Variants in PEX7 observed in about 807,000 individuals in gnomAD.
PEX7 encodes peroxisomal biogenesis factor 7.
In PEX7, 34 loss-of-function variants were observed where a neutral mutation model predicts 47.5. The observed-to-expected ratio is 0.72, with a 90% CI of 0.54 to 0.95. The LOEUF (loss-of-function observed/expected upper bound fraction) is 0.95. Among genes scored for constraint, PEX7 ranks in the 40% least tolerant of loss-of-function variants. The pLI is 0.00. For missense variants in PEX7, 394 were observed against 400.3 expected (o/e 0.98, Z 0.13); for synonymous variants, 141 against 148.8 (o/e 0.95, Z 0.38).
chr6:136,906,621 G>A (rs982761728), intron 9 of PEX7, among the ~76,000 whole-genome samples: 2 of 151,986 alleles, frequency 1.3e-5, no homozygotes. Context: ...GGAATAAATG[G>A]ACAGACATAT....
At chr6:136,877,523 TC>T (rs1355100730) in intron 8 of PEX7, among the ~76,000 whole-genome samples, 2 of 152,244 alleles carry the variant, frequency 1.3e-5, no homozygotes, top group African/African-American at 4.8e-5. Context: ...GTTTCAGTTT[TC>T]TGCATATGGC....
intron 1 of PEX7, chr6:136,823,362 GA>G (rs1170446822): frequency 2.0e-6 from 2 of 985,110 alleles, no homozygotes; most frequent in Non-Finnish European, 2.4e-6. Context: ...GTCTAACGAG[GA>G]ATGCACACAT....
At chr6:136,880,460 C>T (rs920706626) in intron 8 of PEX7, among the ~76,000 whole-genome samples, 2 of 152,194 alleles carry the variant, frequency 1.3e-5, no homozygotes, top group Non-Finnish European at 2.9e-5. Flanking sequence ...GTCCTAGCTC[C>T]TGCCCTCTCT....
At chr6:136,874,846 A>G (rs28377304) in intron 8 of PEX7, among the ~76,000 whole-genome samples, 2 of 151,888 alleles carry the variant, frequency 1.3e-5, no homozygotes, top group Non-Finnish European at 2.9e-5. Flanking sequence ...ATCAATTAGA[A>G]CTACTTTTTT....
At chr6:136,877,498 T>C (rs1775296510) in intron 8 of PEX7, among the ~76,000 whole-genome samples, 1 of 152,216 alleles carries the variant, frequency 6.6e-6, no homozygotes, top group African/African-American at 2.4e-5. Context: ...GTATAAGGTG[T>C]AAGGAAGGTG....
intron 9 of PEX7, among the ~76,000 whole-genome samples, chr6:136,904,567 C>T (rs1775809344): frequency 6.6e-6 from 1 of 151,270 alleles, no homozygotes; most frequent in Non-Finnish European, 1.5e-5. Context: ...CTGCACTGTT[C>T]TCATGATAGT....
At chr6:136,912,094 G>T (rs1196711972) in intron 9 of PEX7, among the ~76,000 whole-genome samples, 1 of 152,046 alleles carries the variant, frequency 6.6e-6, no homozygotes, top group Non-Finnish European at 1.5e-5. Context: ...TCATTAGATT[G>T]CCTTTTATTA....
At chr6:136,873,761 A>G (rs969739686) in intron 8 of PEX7, among the ~76,000 whole-genome samples, 4 of 152,322 alleles carry the variant, frequency 2.6e-5, no homozygotes, top group African/African-American at 9.6e-5. Flanking sequence ...AATGCAAATT[A>G]TATATGTTTA....
chr6:136,866,866 C>G (rs1481442877), intron 6 of PEX7, 133 bp downstream of exon 6: 1 of 765,432 alleles, frequency 1.3e-6, no homozygotes, highest in Admixed American at 2.1e-5. Flanking sequence ...CCTTTCCTTT[C>G]TAATTAATGA....
At chr6:136,822,883 C>G in intron 1 of PEX7, 88 bp downstream of exon 1, 1 of 1,223,318 alleles carries the variant, frequency 8.2e-7, no homozygotes, top group Non-Finnish European at 1.0e-6. Context: ...CGAGGGAAAG[C>G]CCCTCTGAGC....
intron 8 of PEX7, among the ~76,000 whole-genome samples, chr6:136,878,515 G>T (rs1562749672): frequency 6.6e-6 from 1 of 152,112 alleles, no homozygotes; most frequent in East Asian, 1.9e-4. Context: ...TTAGCATGAA[G>T]GGTGTTGAAT....
intron 5 of PEX7, among the ~76,000 whole-genome samples, chr6:136,861,224 A>G (rs909400007): frequency 6.6e-6 from 1 of 152,116 alleles, no homozygotes; most frequent in Non-Finnish European, 1.5e-5. Context: ...AGCTGGGACT[A>G]CAGGTGCATG....
At chr6:136,841,843 C>A (rs1446436555) in intron 3 of PEX7, among the ~76,000 whole-genome samples, 1 of 151,670 alleles carries the variant, frequency 6.6e-6, no homozygotes, top group African/African-American at 2.4e-5. Context: ...GCCTCGGCCT[C>A]CCAAAGTGCT....
chr6:136,905,021 T>C (rs1775821915), intron 9 of PEX7, among the ~76,000 whole-genome samples: 1 of 152,214 alleles, frequency 6.6e-6, no homozygotes. Context: ...TTTGAAGTCT[T>C]TCTGATTTTA....
At position 136,900,301 on chromosome 6, in the gene PEX7, T is replaced by C. The variant is rs1231130322; in HGVS notation, c.903+2060T>C. The stretch of plus-strand genomic sequence containing the variant: ...ACAAACATTTGAGTTGTGTATATTA[T>C]TAATTTATATATTTTTCAAAGGATA... On this transcript the variant is annotated intron_variant, in intron 9 of 9. Coordinates refer to ENST00000318471, the MANE Select transcript of PEX7 (RefSeq NM_000288.4). The surrounding 1 kb of genome is among the most constrained non-coding windows in gnomAD (Gnocchi z 4.2). The C allele has an allele frequency of 5.4e-6, 1 of 186,912 alleles. No homozygotes were observed. The highest frequency in any genetic ancestry group is 2.4e-5 in the African/African-American group (1 of 42,392). 11.6% of individuals were successfully genotyped at this position (186,912 alleles called of 1,614,324 possible).
chr6:136,872,806 T>A (rs1193984257), intron 8 of PEX7, among the ~76,000 whole-genome samples: 1 of 152,190 alleles, frequency 6.6e-6, no homozygotes, highest in Non-Finnish European at 1.5e-5. Context: ...TCCAAATTTG[T>A]AACTCTTGAC....
At chr6:136,909,954 C>T (rs978858944) in intron 9 of PEX7, among the ~76,000 whole-genome samples, 10 of 151,992 alleles carry the variant, frequency 6.6e-5, no homozygotes, top group Non-Finnish European at 1.2e-4. Flanking sequence ...TGTGGGAAGG[C>T]CCAGCACTTG....
At chr6:136,834,174 TA>T (rs569693733) in intron 3 of PEX7, among the ~76,000 whole-genome samples, 1 of 152,166 alleles carries the variant, frequency 6.6e-6, no homozygotes, top group Non-Finnish European at 1.5e-5. Flanking sequence ...TAGGTAGCCC[TA>T]AGGGAAAGGG....
chr6:136,822,859 C>CAGTTCCTCGCGCTCG, intron 1 of PEX7, 64 bp downstream of exon 1: 1 of 1,170,480 alleles, frequency 8.5e-7, no homozygotes. Context: ...AGCCGGGCTC[C>CAGTTCCTCGCGCTCG]AGTTCCTCGC....
Sources: allele counts gnomAD v4.1 joint callset (sites outside exome capture counted in the v4.1 genomes callset), GRCh38; gene constraint gnomAD v4.1.1; non-coding constraint Gnocchi (gnomAD v3.1); transcripts MANE v1.5; gene names NCBI Gene and HGNC (gene_info 2026-07-23, HGNC 2026-07-21).